The following FRA10AC1 variants were observed in gnomAD, a reference collection of about 807,000 sequenced individuals.
FRA10AC1 encodes the protein FRA10A associated CGG repeat 1.
FRA10AC1 carries 43 observed loss-of-function variants against 56.5 expected under a neutral mutation model. The observed-to-expected ratio is 0.76, with a 90% CI of 0.60 to 0.98. The LOEUF (loss-of-function observed/expected upper bound fraction) is 0.98. Ranked by LOEUF, FRA10AC1 falls within the 50% of genes least tolerant of loss-of-function variation. The pLI is 0.00. For synonymous variants in FRA10AC1, 112 were observed against 110.5 expected, an observed-to-expected ratio of 1.01 and a Z score of -0.09; for missense variants, 346 against 351.8, an observed-to-expected ratio of 0.98 and a Z score of 0.13.
chr10:93,673,472 A>T, intron 12 of FRA10AC1: 1 of 394,366 alleles, frequency 2.5e-6, no homozygotes, highest in Non-Finnish European at 4.9e-6. Flanking sequence ...GGTGCCTAAA[A>T]TTATATACAA....
At chr10:93,686,037 A>G (rs140907238) in intron 8 of FRA10AC1, among the ~76,000 whole-genome samples, 6 of 151,964 alleles carry the variant, frequency 3.9e-5, no homozygotes, top group Admixed American at 1.3e-4. Flanking sequence ...ATAACCTGAG[A>G]GAAAAAAAGA....
intron 8 of FRA10AC1, among the ~76,000 whole-genome samples, chr10:93,685,670 T>C (rs528515684): frequency 1.4e-3 from 213 of 151,662 alleles, no homozygotes; most frequent in African/African-American, 4.8e-3. Context: ...TCTCAGAAAG[T>C]TGGTTTAAGG....
At position 93,698,193 on chromosome 10, in the gene FRA10AC1, A is replaced by G; in HGVS notation, c.174-12T>C. ...TTCTTGCTTCTTCCCTGTTAAAACA[A>G]ATTTTTTTAAGAAAATTCAAAATGT... On this transcript the variant is annotated splice_polypyrimidine_tract_variant and intron_variant, in intron 3 of 13. Transcript: ENST00000359204. The G allele has an allele frequency of 6.4e-7, 1 of 1,571,608 alleles. No individual in the cohort carries two copies. The highest frequency in any genetic ancestry group is 1.2e-5 in the South Asian group (1 of 85,834).
In FRA10AC1 at chr10:93,692,045, G is replaced by A; in HGVS notation, c.429C>T (p.Tyr143=). 6.4e-7 allele frequency: 1 copy of A among 1,566,782 alleles called. No individual in the cohort carries two copies. The highest frequency in any genetic ancestry group is 8.6e-7 in the Non-Finnish European group (1 of 1,160,732). ...TATATTTACTGAGATCTGCTATGCA[G>A]TATTCCTTAAATAATTTATCATAGT... ...KKYYDKLFKE[Y]CIADLSKYKE... Residue 143 remains tyrosine, a synonymous_variant, in exon 7 of 14, where the codon TAC becomes TAT. Transcript: ENST00000359204.
intron 9 of FRA10AC1, 42 bp from the exon 10 acceptor site, chr10:93,684,140 C>A (rs764971679): frequency 4.7e-5 from 66 of 1,389,894 alleles, no homozygotes; most frequent in Non-Finnish European, 6.3e-5. Flanking sequence ...TTTTGAATAA[C>A]CACACTGCTA....
At chr10:93,670,680 G>A in intron 13 of FRA10AC1, 90 bp downstream of exon 13, 1 of 815,544 alleles carries the variant, frequency 1.2e-6, no homozygotes, top group South Asian at 1.6e-5. Context: ...AGATCACCAT[G>A]ATGTTGTATT....
chr10:93,691,878 C>T (rs900996786), intron 7 of FRA10AC1, 131 bp downstream of exon 7: 2 of 961,094 alleles, frequency 2.1e-6, no homozygotes, highest in African/African-American at 1.8e-5. Flanking sequence ...CCAAATGACA[C>T]ATCATAAACG....
chr10:93,671,017 A>T (rs773252468), intron 12 of FRA10AC1, 169 bp from the exon 13 acceptor site: 2 of 547,856 alleles, frequency 3.7e-6, no homozygotes, highest in Admixed American at 3.0e-5. Context: ...AACATATATA[A>T]ATAAGCCAAG....
chr10:93,687,178 C>T (rs1184410052), intron 8 of FRA10AC1, among the ~76,000 whole-genome samples: 1 of 151,700 alleles, frequency 6.6e-6, no homozygotes, highest in East Asian at 1.9e-4. Flanking sequence ...TAGAAATATG[C>T]AGAACATTCA....
intron 12 of FRA10AC1, chr10:93,673,522 A>G (rs1001183475): frequency 5.5e-6 from 2 of 365,152 alleles, no homozygotes; most frequent in Non-Finnish European, 1.1e-5. Context: ...TAGGTCTATC[A>G]TCTTGGTTTT....
intron 6 of FRA10AC1, 45 bp downstream of exon 6, chr10:93,692,601 C>A: frequency 8.2e-7 from 1 of 1,220,854 alleles, no homozygotes; most frequent in Non-Finnish European, 1.2e-6. Flanking sequence ...ACAGGAGAAA[C>A]AGGACTAAAG....
intron 11 of FRA10AC1, among the ~76,000 whole-genome samples, chr10:93,680,803 T>C (rs2133907399): frequency 1.3e-5 from 2 of 152,332 alleles, no homozygotes; most frequent in East Asian, 1.9e-4. Context: ...ATTATCTCGT[T>C]TCAACTTCTG....
Position 93,700,037 on chromosome 10 carries a change from T to G in FRA10AC1, c.70A>C (p.Lys24Gln). ...TAAAAAAAAATTACTTACCTTTTTT[T>G]CCTTTTGCTGGATTCTCCACAGCGT... ...DERCGESSKR[K>Q]KRTVEDDLLL... is the part of the protein sequence containing the mutation. Residue 24 changes from lysine (K) to glutamine (Q), a missense_variant, in exon 2 of 14, where the codon AAA (lysine) becomes CAA (glutamine). By Grantham distance (53) the Lys-to-Gln change is moderately conservative. Coordinates refer to ENST00000359204, the MANE Select transcript of FRA10AC1 (RefSeq NM_145246.5). 1 of 1,560,928 alleles carries G rather than the reference T, an allele frequency of 6.4e-7. No individual in the cohort carries two copies. Among genetic ancestry groups the G allele is most frequent in the Non-Finnish European group, 8.8e-7 (1 of 1,137,344 alleles).
chr10:93,693,998 G>A (rs1167562632), intron 5 of FRA10AC1, among the ~76,000 whole-genome samples: 3 of 151,708 alleles, frequency 2.0e-5, no homozygotes, highest in African/African-American at 7.3e-5. Flanking sequence ...TGGGTGATGG[G>A]TGCACTAAAA....
chr10:93,694,810 A>T (rs1227412487), intron 5 of FRA10AC1, 51 bp downstream of exon 5: 2 of 1,033,016 alleles, frequency 1.9e-6, no homozygotes, highest in Non-Finnish European at 3.0e-6. Flanking sequence ...GTGGGTCTTT[A>T]AAGTTTCCCA....
intron 2 of FRA10AC1, among the ~76,000 whole-genome samples, chr10:93,699,362 A>G (rs1186254370): frequency 6.6e-6 from 1 of 152,158 alleles, no homozygotes; most frequent in African/African-American, 2.4e-5. Context: ...TTTGCTTAAA[A>G]AAATCAGTCA....
chr10:93,685,574 TAG>T (rs1345104745), intron 8 of FRA10AC1: 4 of 382,356 alleles, frequency 1.0e-5, no homozygotes, highest in African/African-American at 8.5e-5. Flanking sequence ...TCTTGCTTGA[TAG>T]ACTGTATTTA....
At chr10:93,681,087 C>T (rs376151353) in intron 11 of FRA10AC1, among the ~76,000 whole-genome samples, 1 of 152,114 alleles carries the variant, frequency 6.6e-6, no homozygotes, top group East Asian at 1.9e-4. Context: ...ATCAAAGTCC[C>T]TTTCACATTC....
Position 93,691,609 on chromosome 10 carries a change from T to C in FRA10AC1, c.465+400A>G, listed in dbSNP as rs61868168. 6.5e-3 allele frequency among the ~76,000 whole-genome samples: 992 copies of C among 152,362 alleles called. 7 individuals are homozygous for C. Among genetic ancestry groups the C allele is most frequent in the Non-Finnish European group, 0.01 (683 of 68,032 alleles). On this transcript the variant is annotated intron_variant, in intron 7 of 13. Transcript: ENST00000359204. ...AATAGAAGATGTGCATCTGGATCTCTATAAATGGTAATCAATTTTTAAAAT... is the reference window on the plus strand; with the variant it reads ...AATAGAAGATGTGCATCTGGATCTCCATAAATGGTAATCAATTTTTAAAAT...
Sources: allele counts gnomAD v4.1 joint callset (sites outside exome capture counted in the v4.1 genomes callset), GRCh38; gene constraint gnomAD v4.1.1; transcripts MANE v1.5; gene names NCBI Gene and HGNC (gene_info 2026-07-23, HGNC 2026-07-21).